Variants in TCTN2 observed in about 807,000 individuals in gnomAD.
TCTN2 encodes tectonic-2.
In TCTN2, 66 loss-of-function variants were observed where a neutral mutation model predicts 83.4. The observed-to-expected ratio is 0.79, with a 90% CI of 0.65 to 0.97. The LOEUF (loss-of-function observed/expected upper bound fraction) is 0.97. TCTN2 is among the 50% of genes least tolerant of loss of function. The probability of loss-of-function intolerance (pLI) is 0.00; values close to 1 mark genes in which losing one functional copy is unlikely to be tolerated. For synonymous variants in TCTN2, 301 were observed against 326.7 expected (o/e 0.92, Z 0.85); for missense variants, 794 against 858.1 (o/e 0.93, Z 0.93).
At chr12:123,693,976 C>T (rs1442549194) in intron 9 of TCTN2, among the ~76,000 whole-genome samples, 1 of 151,560 alleles carries the variant, frequency 6.6e-6, no homozygotes, top group Non-Finnish European at 1.5e-5. Context: ...TGCCACCAAT[C>T]CCGGCTAATT....
chr12:123,694,570 G>T lies in TCTN2; in HGVS notation c.1100-272G>T, dbSNP rs1411061282. Reference sequence around the variant, plus strand: ...TTACCAAGTGCATGCTCCATGGCAAGCTATGAGCCAGGTGCTGGAGATATA... The same window carrying T: ...TTACCAAGTGCATGCTCCATGGCAATCTATGAGCCAGGTGCTGGAGATATA... On this transcript the variant is annotated intron_variant, in intron 9 of 17. Transcript: ENST00000303372. Among the ~76,000 whole-genome samples, 5 of 152,210 alleles carry T rather than the reference G, an allele frequency of 3.3e-5. No homozygotes were observed. In the East Asian group the frequency reaches 9.6e-4, roughly 29 times the overall value.
chr12:123,701,896 T>C (rs1240905612), intron 14 of TCTN2, among the ~76,000 whole-genome samples: 1 of 152,142 alleles, frequency 6.6e-6, no homozygotes, highest in African/African-American at 2.4e-5. Context: ...ATATACCACA[T>C]GTACATGGAA....
In TCTN2 at chr12:123,672,177, C is replaced by A. The variant is rs563828505; in HGVS notation, c.267+45C>A. 10 of 1,524,890 alleles carry A rather than the reference C, an allele frequency of 6.6e-6. No homozygotes were observed. The South Asian group carries it at 9.0e-5, about 14-fold the overall frequency. 94.5% of individuals were successfully genotyped at this position (1,524,890 alleles called of 1,614,324 possible). On this transcript the variant is annotated intron_variant, in intron 3 of 17. Coordinates refer to ENST00000303372, the MANE Select transcript of TCTN2 (RefSeq NM_024809.5). ...TTCTCTGTAGCCTGTGAAGAGGCCCCCAGCTAGGGTTTCTGCAGTGCTCTC... is the reference window on the plus strand; with the variant it reads ...TTCTCTGTAGCCTGTGAAGAGGCCCACAGCTAGGGTTTCTGCAGTGCTCTC...
At chr12:123,688,714 A>T (rs559748871) in intron 7 of TCTN2, among the ~76,000 whole-genome samples, 10 of 152,136 alleles carry the variant, frequency 6.6e-5, no homozygotes, top group Admixed American at 3.3e-4. Context: ...ACAAAATAAA[A>T]CCAAAAGATT....
rs182455575 is a variant in TCTN2 at position 123,703,154 on chromosome 12, A to G, written c.1613-1378A>G. 4.1e-3 allele frequency among the ~76,000 whole-genome samples: 628 copies of G among 151,634 alleles called. 6 individuals carry two copies. Among genetic ancestry groups the G allele is most frequent in the Middle Eastern group, 0.024 (7 of 294 alleles). On this transcript the variant is annotated intron_variant, in intron 14 of 17. Transcript: ENST00000303372. ...ATACTAATTAAAGTCGTTAGTGTGG[A>G]TTTTGTTTTATTATTATTTTTTTTT...
chr12:123,686,649 A>G (rs1955970707), intron 5 of TCTN2, among the ~76,000 whole-genome samples, 187 bp from the exon 6 acceptor site: 1 of 152,188 alleles, frequency 6.6e-6, no homozygotes, highest in Non-Finnish European at 1.5e-5. Flanking sequence ...TGGGGAATTG[A>G]CAAAAGAAAT....
At chr12:123,684,148 A>G (rs945332194) in intron 5 of TCTN2, among the ~76,000 whole-genome samples, 2 of 152,154 alleles carry the variant, frequency 1.3e-5, no homozygotes, top group Admixed American at 6.6e-5. Context: ...AGATATTCAA[A>G]GTATCCTTGA....
chr12:123,707,481 G>T, intron 17 of TCTN2, 123 bp from the exon 18 acceptor site: 3 of 910,982 alleles, frequency 3.3e-6, no homozygotes, highest in Non-Finnish European at 5.4e-6. Context: ...CAAGTGATCC[G>T]CCCTCCTTGG....
At chr12:123,684,702 T>C (rs1048462549) in intron 5 of TCTN2, among the ~76,000 whole-genome samples, 9 of 151,956 alleles carry the variant, frequency 5.9e-5, no homozygotes, top group African/African-American at 1.9e-4. Flanking sequence ...ACCTGGCCAA[T>C]ATTGTGATTT....
chr12:123,698,411 C>T (rs1035938388), intron 13 of TCTN2, among the ~76,000 whole-genome samples: 12 of 150,480 alleles, frequency 8.0e-5, no homozygotes, highest in African/African-American at 2.9e-4. Flanking sequence ...TAAGTGGTAT[C>T]TCATTGTGGT....
rs1955870224 is a variant in TCTN2 at position 123,679,717 on chromosome 12, C to A, written c.564+428C>A. ...AAAACTGAGATTATGTTTTCTATTG[C>A]AAATTGTTTTCAAATTGAGTTTTTT... On this transcript the variant is annotated intron_variant, in intron 5 of 17. Coordinates refer to ENST00000303372, the MANE Select transcript of TCTN2 (RefSeq NM_024809.5). Among the ~76,000 whole-genome samples the A allele has an allele frequency of 3.4e-5, 5 of 146,712 alleles. No individual in the cohort carries two copies. In the Admixed American group the frequency reaches 3.4e-4, roughly 10 times the overall value.
intron 14 of TCTN2, among the ~76,000 whole-genome samples, chr12:123,703,556 C>T (rs73418179): frequency 0.04 from 6,073 of 152,284 alleles, 207 homozygotes; most frequent in African/African-American, 0.083. Context: ...CATGCCATCA[C>T]GGCTTACTGC....
In TCTN2 at chr12:123,707,654, C is replaced by T. The variant is rs1956246957; in HGVS notation, c.2035C>T (p.Leu679Phe). 1.9e-6 allele frequency: 3 copies of T among 1,614,066 alleles called. No individual in the cohort carries two copies. Among genetic ancestry groups the T allele is most frequent in the Non-Finnish European group, 2.5e-6 (3 of 1,180,040 alleles). The change falls in exon 18 of 18, where the codon CTC becomes TTC. Residue 679 changes from leucine (L) to phenylalanine (F), a missense_variant. Physicochemically the swap from Leu to Phe is conservative, Grantham distance 22. Transcript: ENST00000303372. ...TAAGGGCTTACTGTTGCTGTTGTTC[C>T]TCACATTGGCCTTGTTCCTCAGCAA... is the stretch of plus-strand genomic sequence containing the variant. ...VAKGLLLLLFLTLALFLSNPW... is the reference protein window; with the variant it reads ...VAKGLLLLLFFTLALFLSNPW...
chr12:123,701,129 A>C (rs1416396975), intron 14 of TCTN2, among the ~76,000 whole-genome samples: 1 of 152,212 alleles, frequency 6.6e-6, no homozygotes, highest in African/African-American at 2.4e-5. Context: ...AGTGATTGAA[A>C]ATATTGTGAT....
intron 5 of TCTN2, among the ~76,000 whole-genome samples, chr12:123,685,159 C>G (rs574954124): frequency 6.6e-6 from 1 of 152,116 alleles, no homozygotes; most frequent in Admixed American, 6.6e-5. Flanking sequence ...TGTCCCATGT[C>G]GGACTCCCTT....
At position 123,706,774 on chromosome 12, in the gene TCTN2, CA is replaced by C; in HGVS notation, c.1820del (p.Lys607ArgfsTer24). ...ACCAGTGTGGGCTTACCTGTGAGCA[CA>C]AGGCCGACCTTCTCCCTATCAGTGC... is the stretch of plus-strand genomic sequence containing the variant. ...QYQCGLTCEH[K>X]ADLLPISASV... is the part of the protein sequence containing the mutation. On this transcript the variant is annotated frameshift_variant, in exon 16 of 18. Transcript: ENST00000303372. LOFTEE classifies it high-confidence loss of function. 6.2e-7 allele frequency: 1 copy of C among 1,614,172 alleles called. No individual in the cohort carries two copies. Among genetic ancestry groups the C allele is most frequent in the Non-Finnish European group, 8.5e-7 (1 of 1,180,030 alleles).
Position 123,703,013 on chromosome 12 carries a change from A to T in TCTN2, c.1613-1519A>T, listed in dbSNP as rs1463668795. Among the ~76,000 whole-genome samples, 13 of 152,006 alleles carry T rather than the reference A, an allele frequency of 8.6e-5. No homozygotes were observed. In the East Asian group the frequency reaches 2.5e-3, roughly 29 times the overall value. ...GAACCTACCCTACTTCCTCCAATTG[A>T]CCTTGCTGGGTTTTCTCCAAGACGA... On this transcript the variant is annotated intron_variant, in intron 14 of 17. Transcript: ENST00000303372.
chr12:123,679,104 C>A (rs976398732), intron 4 of TCTN2, 85 bp from the exon 5 acceptor site: 22 of 1,308,148 alleles, frequency 1.7e-5, no homozygotes, highest in Non-Finnish European at 1.1e-6. Flanking sequence ...GCCGATAATT[C>A]AGCTTTCTTT....
At chr12:123,679,086 C>G in intron 4 of TCTN2, 103 bp from the exon 5 acceptor site, 1 of 1,069,636 alleles carries the variant, frequency 9.3e-7, no homozygotes, top group South Asian at 1.3e-5. Context: ...CGTGAGCCAC[C>G]GCGCCTGGCC....
Sources: allele counts gnomAD v4.1 joint callset (sites outside exome capture counted in the v4.1 genomes callset), GRCh38; gene constraint gnomAD v4.1.1; transcripts MANE v1.5; gene names NCBI Gene and HGNC (gene_info 2026-07-23, HGNC 2026-07-21).